The following NF2 variants were observed in gnomAD, a reference collection of about 807,000 sequenced individuals.
NF2 encodes NF2, moesin-ezrin-radixin like (MERLIN) tumor suppressor.
A neutral mutation model predicts 83.7 loss-of-function variants in NF2; 8 were observed. The ratio of observed to expected loss-of-function variants is 0.10; its 90% CI spans 0.06 to 0.17. NF2 has a LOEUF of 0.17. NF2 is among the 10% of genes least tolerant of loss of function. The pLI is 1.00. For missense variants in NF2, 533 were observed against 744.4 expected (o/e 0.72, Z 3.31); for synonymous variants, 266 against 269.6 (o/e 0.99, Z 0.13).
At chr22:29,638,074 A>G (rs561925328) in intron 2 of NF2, among the ~76,000 whole-genome samples, 1 of 152,348 alleles carries the variant, frequency 6.6e-6, no homozygotes, top group South Asian at 2.1e-4. Flanking sequence ...GAAATACATC[A>G]TGACACATGT....
chr22:29,645,109 A>T (rs1212876764), intron 4 of NF2, among the ~76,000 whole-genome samples: 1 of 152,216 alleles, frequency 6.6e-6, no homozygotes, highest in Non-Finnish European at 1.5e-5. Flanking sequence ...GATTAATGCA[A>T]TTTCAGATCA....
chr22:29,691,447 T>A lies in NF2; in HGVS notation c.1738-3305T>A, dbSNP rs1291753485. Among the ~76,000 whole-genome samples the A allele has an allele frequency of 3.9e-4, 60 of 152,204 alleles. 2 individuals are homozygous for A. Among genetic ancestry groups the A allele is most frequent in the Admixed American group, 3.9e-3 (60 of 15,286 alleles). ...CGGTTGCTGAGCAGGAAGATGTACCTAACACTGATGGGCCTGCACACCTTA... is the reference window on the plus strand; with the variant it reads ...CGGTTGCTGAGCAGGAAGATGTACCAAACACTGATGGGCCTGCACACCTTA... On this transcript the variant is annotated intron_variant, in intron 15 of 15. Coordinates refer to ENST00000338641, the MANE Select transcript of NF2 (RefSeq NM_000268.4).
At chr22:29,653,171 C>T (rs546655913) in intron 4 of NF2, among the ~76,000 whole-genome samples, 2 of 152,234 alleles carry the variant, frequency 1.3e-5, no homozygotes, top group South Asian at 2.1e-4. Context: ...TTAGGCCAGG[C>T]GCGGTGGCTG....
chr22:29,668,280 C>T (rs1215842626), intron 9 of NF2, 53 bp from the exon 10 acceptor site: 2 of 1,321,648 alleles, frequency 1.5e-6, no homozygotes, highest in Non-Finnish European at 2.2e-6. Context: ...GGCCAGTAGG[C>T]AGTGAAGTAA....
chr22:29,627,706 CT>C (rs911282132), intron 1 of NF2, among the ~76,000 whole-genome samples: 20 of 151,996 alleles, frequency 1.3e-4, no homozygotes, highest in Non-Finnish European at 2.8e-4. Flanking sequence ...AGCATAAGGC[CT>C]TTTTTTCCCC....
chr22:29,694,922 A>G lies in NF2; in HGVS notation c.*120A>G. On this transcript the variant is annotated 3_prime_UTR_variant, in exon 16 of 16. Transcript: ENST00000338641. This position sits in a 1 kb window ranked among gnomAD's most constrained non-coding sequence, Gnocchi z 4.1. ...CTGGGGGTTTCCGTGGGAGCTCCAG[A>G]ACTTTCCCCAGCTGAGTGAAGAGCC... is the stretch of plus-strand genomic sequence containing the variant. 1 of 1,030,672 alleles carries G rather than the reference A, an allele frequency of 9.7e-7. No individual in the cohort carries two copies. Among genetic ancestry groups the G allele is most frequent in the South Asian group, 1.4e-5 (1 of 73,988 alleles). 63.8% of individuals were successfully genotyped at this position (1,030,672 alleles called of 1,614,324 possible).
intron 1 of NF2, among the ~76,000 whole-genome samples, chr22:29,607,416 G>A (rs2064826955): frequency 6.6e-6 from 1 of 152,184 alleles, no homozygotes; most frequent in South Asian, 2.1e-4. Context: ...GTGACTGTGA[G>A]CATACCCAAA....
At chr22:29,610,330 A>G (rs1350696584) in intron 1 of NF2, among the ~76,000 whole-genome samples, 1 of 152,016 alleles carries the variant, frequency 6.6e-6, no homozygotes, top group African/African-American at 2.4e-5. Flanking sequence ...AGGGTGACAG[A>G]GTGAGACCCT....
Position 29,609,108 on chromosome 22 carries a change from A to G in NF2, c.114+4996A>G, listed in dbSNP as rs991898414. 71 of 749,466 alleles carry G rather than the reference A, an allele frequency of 9.5e-5. 4 individuals carry two copies. Among genetic ancestry groups the G allele is most frequent in the Non-Finnish European group, 1.7e-4 (66 of 399,066 alleles). The allele number at this position is 749,466 out of a possible 1,614,324, so 46.4% of individuals were successfully genotyped here. A position where few individuals can be genotyped will look rare whatever the true frequency, so the allele number is the denominator to read the frequency against. ...AATCAGTACATCTTTCATCTCGAGG[A>G]AACTGAGAACCCAGGGGCTTTGATT... On this transcript the variant is annotated intron_variant, in intron 1 of 15. Coordinates refer to ENST00000338641, the MANE Select transcript of NF2 (RefSeq NM_000268.4).
chr22:29,608,675 G>GA (rs771671779), intron 1 of NF2, among the ~76,000 whole-genome samples: 219 of 115,644 alleles, frequency 1.9e-3, no homozygotes, highest in Middle Eastern at 0.01. Context: ...TCCCTGCCCT[G>GA]AAAAAAAAAA....
At chr22:29,648,207 G>T (rs1192288681) in intron 4 of NF2, among the ~76,000 whole-genome samples, 9 of 151,726 alleles carry the variant, frequency 5.9e-5, no homozygotes, top group Non-Finnish European at 2.9e-5. Context: ...AAGAAGAATT[G>T]CATAGAATTG....
intron 1 of NF2, among the ~76,000 whole-genome samples, chr22:29,628,850 C>T (rs1054325389): frequency 2.6e-5 from 4 of 151,928 alleles, no homozygotes; most frequent in Non-Finnish European, 5.9e-5. Flanking sequence ...AGGCTGGTCT[C>T]GAACTCCTGA....
At chr22:29,620,617 T>C (rs762359589) in intron 1 of NF2, among the ~76,000 whole-genome samples, 36 of 151,820 alleles carry the variant, frequency 2.4e-4, no homozygotes, top group Non-Finnish European at 7.4e-5. Flanking sequence ...CATGTGCCTG[T>C]AATTCCAGCT....
At chr22:29,628,917 C>T (rs746568698) in intron 1 of NF2, among the ~76,000 whole-genome samples, 3 of 152,138 alleles carry the variant, frequency 2.0e-5, no homozygotes, top group Non-Finnish European at 4.4e-5. Flanking sequence ...AGGCATGAGC[C>T]ACTGCGCCTG....
chr22:29,620,320 C>T (rs5997499), intron 1 of NF2, among the ~76,000 whole-genome samples: 1 of 152,108 alleles, frequency 6.6e-6, no homozygotes, highest in Non-Finnish European at 1.5e-5. Context: ...ACTTGGTAGG[C>T]TGAGACAAGA....
intron 7 of NF2, among the ~76,000 whole-genome samples, chr22:29,658,759 C>T (rs2146994325): frequency 6.6e-6 from 1 of 152,086 alleles, no homozygotes; most frequent in African/African-American, 2.4e-5. Context: ...CTGCTGGGAA[C>T]CCACTGCTTC....
At position 29,622,748 on chromosome 22, in the gene NF2, C is replaced by T. The variant is rs28558624; in HGVS notation, c.115-14003C>T. ...TCTGCTCACTGCAACCTCCACCTCC[C>T]GGGTTCAAGCAATTCTCTTGCCTCA... On this transcript the variant is annotated intron_variant, in intron 1 of 15. Coordinates refer to ENST00000338641, the MANE Select transcript of NF2 (RefSeq NM_000268.4). Among the ~76,000 whole-genome samples the T allele has an allele frequency of 5.3e-5, 8 of 149,848 alleles. 1 individual carries two copies. The highest frequency in any genetic ancestry group is 1.5e-4 in the African/African-American group (6 of 40,668).
Position 29,698,136 on chromosome 22 carries a change from C to T in NF2, c.*3334C>T, listed in dbSNP as rs912175997. 2.6e-5 allele frequency: 6 copies of T among 232,414 alleles called. No homozygotes were observed. The highest frequency in any genetic ancestry group is 8.8e-5 in the African/African-American group (4 of 45,284). The allele number at this position is 232,414 out of a possible 1,614,324, so 14.4% of individuals were successfully genotyped here. ...CCTGATCAAGGCCCCACCTCAGCCA[C>T]AGCAGTCCCCCCAACCTGTGTTGTC... On this transcript the variant is annotated 3_prime_UTR_variant, in exon 16 of 16. Transcript: ENST00000338641.
intron 1 of NF2, among the ~76,000 whole-genome samples, chr22:29,635,649 C>T (rs1013708295): frequency 4.6e-5 from 7 of 152,058 alleles, no homozygotes; most frequent in Non-Finnish European, 1.0e-4. Context: ...TTTTTCATTC[C>T]TTTTCATTAT....
Sources: allele counts gnomAD v4.1 joint callset (sites outside exome capture counted in the v4.1 genomes callset), GRCh38; gene constraint gnomAD v4.1.1; non-coding constraint Gnocchi (gnomAD v3.1); transcripts MANE v1.5; gene names NCBI Gene and HGNC (gene_info 2026-07-23, HGNC 2026-07-21).